The following TUBB8 variants were observed in gnomAD, a reference collection of about 807,000 sequenced individuals.
TUBB8 encodes the protein tubulin beta 8 class VIII.
TUBB8 carries 25 observed loss-of-function variants against 33.7 expected under a neutral mutation model. The observed-to-expected ratio is 0.74, with a 90% CI of 0.54 to 1.04. TUBB8 has a LOEUF of 1.04. Among genes scored for constraint, TUBB8 ranks in the 50% least tolerant of loss-of-function variants. The pLI is 0.00. For synonymous variants in TUBB8, 245 were observed against 240.1 expected, an observed-to-expected ratio of 1.02 and a Z score of -0.19; for missense variants, 279 against 608.0, an observed-to-expected ratio of 0.46 and a Z score of 5.69.
rs558344739 is a variant in TUBB8 at position 64,527 on chromosome 10, C to A, written c.-846+9442G>T. On this transcript the variant is annotated intron_variant, in intron 1 of 3. Coordinates refer to the TUBB8 transcript ENST00000564130. Reference sequence around the variant, plus strand: ...CCTCACCCTCACCCTAACCCTTAACCCTAACACTAACCATCTAACCCTTCT... The same window carrying A: ...CCTCACCCTCACCCTAACCCTTAACACTAACACTAACCATCTAACCCTTCT... Among the ~76,000 whole-genome samples, 43 of 152,082 alleles carry A rather than the reference C, an allele frequency of 2.8e-4. No individual in the cohort carries two copies. In the South Asian group the frequency reaches 8.3e-3, roughly 29 times the overall value.
At chr10:73,055 C>A (rs1362029235) in intron 1 of TUBB8, among the ~76,000 whole-genome samples, 18 of 151,920 alleles carry the variant, frequency 1.2e-4, no homozygotes, top group Admixed American at 6.6e-5. Context: ...TAATACATTT[C>A]AACTAACTTA....
chr10:56,601 G>A (rs569380240), intron 1 of TUBB8, among the ~76,000 whole-genome samples: 2 of 150,024 alleles, frequency 1.3e-5, no homozygotes, highest in Admixed American at 6.6e-5. Flanking sequence ...CTACGCACTT[G>A]TAGATAACCA....
intron 1 of TUBB8, among the ~76,000 whole-genome samples, chr10:67,476 G>C (rs1170451164): frequency 1.3e-5 from 2 of 149,642 alleles, no homozygotes; most frequent in Non-Finnish European, 3.0e-5. Flanking sequence ...CCAGGGTGGA[G>C]TACAGTGGCA....
intron 1 of TUBB8, among the ~76,000 whole-genome samples, chr10:62,946 G>A (rs1315408568): frequency 6.6e-6 from 1 of 152,176 alleles, no homozygotes; most frequent in Non-Finnish European, 1.5e-5. Context: ...TGGGAGTTCA[G>A]TTAAGTGCCT....
At chr10:49,621 T>C (rs546156320), upstream of TUBB8, 1,126 of 491,152 alleles carry the variant, frequency 2.3e-3, 10 homozygotes, top group African/African-American at 0.02. Flanking sequence ...CTGTCCTAGA[T>C]TGATGACATA....
At chr10:59,605 A>G (rs1834573092) in intron 1 of TUBB8, among the ~76,000 whole-genome samples, 1 of 152,196 alleles carries the variant, frequency 6.6e-6, no homozygotes, top group South Asian at 2.1e-4. Context: ...GTATTGTTTA[A>G]TTGCATTTAC....
At chr10:72,154 G>C (rs1237726555) in intron 1 of TUBB8, among the ~76,000 whole-genome samples, 1 of 151,926 alleles carries the variant, frequency 6.6e-6, no homozygotes, top group Admixed American at 6.6e-5. Context: ...GAACCCAGGA[G>C]GCAGAGGTTG....
intron 1 of TUBB8, among the ~76,000 whole-genome samples, chr10:56,413 G>A (rs550487580): frequency 1.1e-3 from 149 of 139,818 alleles, no homozygotes; most frequent in Middle Eastern, 3.9e-3. Context: ...AAAAATAATC[G>A]GTGACTAGTT....
At chr10:54,921 C>T (rs1834510350) in intron 1 of TUBB8, among the ~76,000 whole-genome samples, 3 of 152,124 alleles carry the variant, frequency 2.0e-5, no homozygotes, top group Non-Finnish European at 4.4e-5. Context: ...TGATGCCCAG[C>T]TAAGTTTTGT....
At chr10:60,295 CA>C (rs1554740686) in intron 1 of TUBB8, among the ~76,000 whole-genome samples, 1 of 151,316 alleles carries the variant, frequency 6.6e-6, no homozygotes. Context: ...AGGCAACCTA[CA>C]AAATGGGAGA....
At chr10:71,660 C>G (rs1302296230) in intron 1 of TUBB8, among the ~76,000 whole-genome samples, 2 of 151,978 alleles carry the variant, frequency 1.3e-5, no homozygotes, top group African/African-American at 2.4e-5. Flanking sequence ...GGTGCAGTGG[C>G]TCACACCTGT....
At chr10:75,822 T>C (rs1378072918), upstream of TUBB8, among the ~76,000 whole-genome samples, 2 of 151,938 alleles carry the variant, frequency 1.3e-5, no homozygotes, top group African/African-American at 4.8e-5. Context: ...TTGTTTCCAC[T>C]ACGTTAACAA....
chr10:59,250 A>AT (rs1834568817), intron 1 of TUBB8, among the ~76,000 whole-genome samples: 1 of 152,128 alleles, frequency 6.6e-6, no homozygotes, highest in Admixed American at 6.6e-5. Flanking sequence ...GTGCAATGGC[A>AT]TGGTCTCAGC....
chr10:48,999 C>T (rs1834421154), intron 1 of TUBB8, 87 bp from the exon 2 acceptor site: 4 of 1,252,774 alleles, frequency 3.2e-6, no homozygotes, highest in Admixed American at 4.1e-5. Context: ...TCATCCGCAC[C>T]CCCATCCCTA....
upstream of TUBB8, among the ~76,000 whole-genome samples, chr10:51,572 C>G (rs1488920199): frequency 2.0e-5 from 3 of 152,190 alleles, no homozygotes; most frequent in East Asian, 5.8e-4. Context: ...TCTTTATTAG[C>G]AGCATAAGAA....
chr10:50,166 T>G (rs1834448351), upstream of TUBB8: 1 of 152,424 alleles, frequency 6.6e-6, no homozygotes, highest in Non-Finnish European at 1.5e-5. Flanking sequence ...GCTGGCCATT[T>G]GAGTCATGTC....
intron 1 of TUBB8, 116 bp downstream of exon 1, chr10:49,066 G>T: frequency 8.0e-7 from 1 of 1,246,672 alleles, no homozygotes; most frequent in Non-Finnish European, 1.1e-6. Flanking sequence ...CGGTTCCACC[G>T]TCCCCGGCAG....
chr10:63,837 TTGATACTTATAGA>T (rs1834632716), intron 1 of TUBB8, among the ~76,000 whole-genome samples: 1 of 152,198 alleles, frequency 6.6e-6, no homozygotes, highest in African/African-American at 2.4e-5. Flanking sequence ...CTGGATGGCC[TTGATACTTATAGA>T]TGTTCATCTA....
upstream of TUBB8, among the ~76,000 whole-genome samples, chr10:52,863 G>A (rs559305843): frequency 7.3e-6 from 1 of 136,274 alleles, no homozygotes; most frequent in Non-Finnish European, 1.6e-5. Flanking sequence ...CTAGTCATGT[G>A]TATTAAACTA....
Sources: gnomAD v4.1 joint callset for allele counts (sites outside exome capture counted in the v4.1 genomes callset) on GRCh38, gnomAD v4.1.1 for gene constraint, MANE v1.5 for transcripts, NCBI Gene and HGNC (gene_info 2026-07-23, HGNC 2026-07-21) for gene names.